Variants in TARS3 observed in about 807,000 individuals in gnomAD.
TARS3 encodes threonyl-tRNA synthetase 3.
In TARS3, 94 loss-of-function variants were observed where a neutral mutation model predicts 103.5. That is an observed-to-expected ratio of 0.91 (90% CI 0.77 to 1.08). The LOEUF (loss-of-function observed/expected upper bound fraction) is 1.08. Among genes scored for constraint, TARS3 ranks in the 50% least tolerant of loss-of-function variants. The probability of loss-of-function intolerance (pLI) is 0.00; values close to 1 mark genes in which losing one functional copy is unlikely to be tolerated. For missense variants in TARS3, 952 were observed against 995.2 expected, an observed-to-expected ratio of 0.96 and a Z score of 0.58; for synonymous variants, 416 against 355.4, an observed-to-expected ratio of 1.17 and a Z score of -1.92.
chr15:101,688,114 A>AT lies in TARS3; in HGVS notation c.1321-2053dup, dbSNP rs758396029. 1.7e-4 allele frequency among the ~76,000 whole-genome samples: 26 copies of AT among 152,246 alleles called. No homozygotes were observed. In the East Asian group the frequency reaches 2.1e-3, roughly 12 times the overall value. ...ATAAATATATAGGAGATATCTATAT[A>AT]TATTATGCTGCTGTATCTCTCCATA... On this transcript the variant is annotated intron_variant, in intron 10 of 18. Coordinates refer to ENST00000335968, the MANE Select transcript of TARS3 (RefSeq NM_152334.3).
At chr15:101,673,351 A>G (rs987757342) in intron 13 of TARS3, among the ~76,000 whole-genome samples, 3 of 152,158 alleles carry the variant, frequency 2.0e-5, no homozygotes, top group Admixed American at 6.5e-5. Context: ...TTTCAAATGA[A>G]TGGAGTAATG....
chr15:101,704,078 G>A, intron 7 of TARS3, 141 bp from the exon 8 acceptor site: 1 of 555,944 alleles, frequency 1.8e-6, no homozygotes, highest in Admixed American at 3.6e-5. Flanking sequence ...GGGTGAAGGA[G>A]AGAGGTGATT....
intron 8 of TARS3, among the ~76,000 whole-genome samples, chr15:101,702,982 G>C (rs1899357400): frequency 2.0e-5 from 3 of 152,166 alleles, no homozygotes; most frequent in Admixed American, 1.3e-4. Context: ...TAATCACCAA[G>C]GATGGGGCAG....
Position 101,654,408 on chromosome 15 carries a change from G to C in TARS3, c.*174C>G, listed in dbSNP as rs567132856. The C allele has an allele frequency of 4.7e-6, 3 of 637,848 alleles. No homozygotes were observed. The East Asian group carries it at 9.2e-5, about 20-fold the overall frequency. The allele number at this position is 637,848 out of a possible 1,614,324, so 39.5% of individuals were successfully genotyped here. ...CCCTCTAAACGTCCCCCGTGGACATGAGTAAATTAAACTTCGTGCATGTCA... is the reference window on the plus strand; with the variant it reads ...CCCTCTAAACGTCCCCCGTGGACATCAGTAAATTAAACTTCGTGCATGTCA... On this transcript the variant is annotated 3_prime_UTR_variant, in exon 19 of 19. Transcript: ENST00000335968.
intron 4 of TARS3, 84 bp downstream of exon 4, chr15:101,714,756 G>A (rs551935130): frequency 3.3e-5 from 42 of 1,277,898 alleles, no homozygotes; most frequent in South Asian, 2.9e-4. Context: ...CTCAACATTC[G>A]TGACTTCAAT....
intron 2 of TARS3, among the ~76,000 whole-genome samples, chr15:101,722,734 G>A (rs1372339082): frequency 6.7e-6 from 1 of 148,664 alleles, no homozygotes; most frequent in Non-Finnish European, 1.5e-5. Context: ...CAGGAGAATC[G>A]CTTGAACCTG....
At chr15:101,672,004 G>T (rs1032141539) in intron 13 of TARS3, among the ~76,000 whole-genome samples, 16 of 152,124 alleles carry the variant, frequency 1.1e-4, no homozygotes, top group African/African-American at 3.9e-4. Context: ...TGAATTCCAG[G>T]TAAGCATTAG....
intron 10 of TARS3, among the ~76,000 whole-genome samples, chr15:101,694,782 T>C (rs777673363): frequency 1.3e-5 from 2 of 152,202 alleles, no homozygotes; most frequent in East Asian, 1.9e-4. Flanking sequence ...TTTAAAAAGA[T>C]AGTTTTATTA....
At chr15:101,657,291 T>C (rs1897227897) in intron 17 of TARS3, among the ~76,000 whole-genome samples, 1 of 152,220 alleles carries the variant, frequency 6.6e-6, no homozygotes, top group Non-Finnish European at 1.5e-5. Context: ...AGTGAGGACA[T>C]TCAGGCAAGC....
At chr15:101,678,362 A>G (rs2141399408) in intron 12 of TARS3, among the ~76,000 whole-genome samples, 1 of 152,196 alleles carries the variant, frequency 6.6e-6, no homozygotes, top group South Asian at 2.1e-4. Context: ...AGGGCTTTAC[A>G]CTGCCTTTTT....
intron 15 of TARS3, among the ~76,000 whole-genome samples, chr15:101,664,778 A>G (rs1314780947): frequency 6.6e-6 from 1 of 152,220 alleles, no homozygotes; most frequent in Non-Finnish European, 1.5e-5. Context: ...AGAAAAGACA[A>G]ACAACAGTCC....
intron 4 of TARS3, among the ~76,000 whole-genome samples, chr15:101,714,153 G>A (rs1368885188): frequency 2.0e-5 from 3 of 152,136 alleles, no homozygotes; most frequent in Admixed American, 6.6e-5. Context: ...ATTATATTAA[G>A]TATTTAAAGG....
At chr15:101,690,596 G>C (rs1203537602) in intron 10 of TARS3, among the ~76,000 whole-genome samples, 2 of 152,154 alleles carry the variant, frequency 1.3e-5, no homozygotes, top group Non-Finnish European at 2.9e-5. Context: ...GTTTTCAATG[G>C]TGAGGTATAC....
At chr15:101,698,320 G>C (rs1475505560) in intron 10 of TARS3, among the ~76,000 whole-genome samples, 1 of 151,894 alleles carries the variant, frequency 6.6e-6, no homozygotes, top group Non-Finnish European at 1.5e-5. Context: ...GCGACACAGC[G>C]AGACTCTGTC....
intron 17 of TARS3, 98 bp downstream of exon 17, chr15:101,657,687 G>A (rs116906953): frequency 0.027 from 20,494 of 750,414 alleles, 424 homozygotes; most frequent in Non-Finnish European, 0.03. Flanking sequence ...TAATGTGTCA[G>A]TTCTGCAATA....
In TARS3 at chr15:101,682,268, T is replaced by C. The variant is rs1312321849; in HGVS notation, c.1650+1807A>G. Reference sequence around the variant, plus strand: ...TATGAGGTTAGCTGTAGGTTTTTCATAGAGGCCTTTTATCAGGTTAAGAAA... The same window carrying C: ...TATGAGGTTAGCTGTAGGTTTTTCACAGAGGCCTTTTATCAGGTTAAGAAA... On this transcript the variant is annotated intron_variant, in intron 12 of 18. Coordinates refer to ENST00000335968, the MANE Select transcript of TARS3 (RefSeq NM_152334.3). Among the ~76,000 whole-genome samples the C allele has an allele frequency of 2.6e-5, 4 of 152,202 alleles. No individual in the cohort carries two copies. The East Asian group carries it at 5.8e-4, about 22-fold the overall frequency.
At chr15:101,720,934 C>T (rs544437667) in intron 3 of TARS3, among the ~76,000 whole-genome samples, 192 bp downstream of exon 3, 76 of 152,314 alleles carry the variant, frequency 5.0e-4, no homozygotes, top group Non-Finnish European at 9.6e-4. Flanking sequence ...CTGTAAGTTT[C>T]CTGAAGCCTC....
chr15:101,681,465 A>G (rs1243607844), intron 12 of TARS3, among the ~76,000 whole-genome samples: 2 of 152,204 alleles, frequency 1.3e-5, no homozygotes, highest in African/African-American at 4.8e-5. Flanking sequence ...AATGTTTTAA[A>G]GTTTTCACTG....
At chr15:101,706,581 TAATC>T (rs1899575751) in intron 6 of TARS3, among the ~76,000 whole-genome samples, 1 of 152,250 alleles carries the variant, frequency 6.6e-6, no homozygotes, top group African/African-American at 2.4e-5. Flanking sequence ...ATTTTAACAT[TAATC>T]AATAAAATTC....
Sources: gnomAD v4.1 joint callset for allele counts (sites outside exome capture counted in the v4.1 genomes callset) on GRCh38, gnomAD v4.1.1 for gene constraint, MANE v1.5 for transcripts, NCBI Gene and HGNC (gene_info 2026-07-23, HGNC 2026-07-21) for gene names.